USP15: variants seen among roughly 807,000 people sequenced by gnomAD.
USP15 encodes ubiquitin carboxyl-terminal hydrolase 15.
Under a neutral mutation model 127.1 loss-of-function variants are expected in USP15, and 18 were observed. The observed-to-expected ratio is 0.14, with a 90% CI of 0.10 to 0.21. The LOEUF (loss-of-function observed/expected upper bound fraction) is 0.21, where lower values mean the gene tolerates loss of function less well. Among genes scored for constraint, USP15 ranks in the 10% least tolerant of loss-of-function variants. The probability of loss-of-function intolerance (pLI) is 1.00; values close to 1 mark genes in which losing one functional copy is unlikely to be tolerated. For synonymous variants in USP15, 364 were observed against 393.7 expected (o/e 0.92, Z 0.89); for missense variants, 805 against 1,159.9 (o/e 0.69, Z 4.44).
chr12:62,290,816 T>G (rs1361676505), intron 1 of USP15, among the ~76,000 whole-genome samples: 2 of 152,212 alleles, frequency 1.3e-5, no homozygotes, highest in Non-Finnish European at 2.9e-5. Flanking sequence ...GATGACAGAT[T>G]CCCTCAATGA....
intron 6 of USP15, among the ~76,000 whole-genome samples, chr12:62,345,564 G>A (rs988285042): frequency 2.0e-5 from 3 of 152,002 alleles, no homozygotes; most frequent in Non-Finnish European, 2.9e-5. Flanking sequence ...CAACCTCTCT[G>A]CCTATTACCC....
chr12:62,288,368 G>A (rs375098240), intron 1 of USP15, among the ~76,000 whole-genome samples: 23 of 102,984 alleles, frequency 2.2e-4, no homozygotes, highest in African/African-American at 8.7e-4. Flanking sequence ...TTTTTTGGTA[G>A]CTTTGGTAAA....
At position 62,391,346 on chromosome 12, in the gene USP15, A is replaced by G. The variant is rs1330559282; in HGVS notation, c.2150A>G (p.Asn717Ser). ...AAACGATTGTTTACATTCCAGTTCA[A>G]CAACTTAGGCAATACTGATATCAAC... ...HKKRLFTFQFNNLGNTDINYI... is the reference protein window; with the variant it reads ...HKKRLFTFQFSNLGNTDINYI... The change falls in exon 16 of 22, where the codon AAC becomes AGC. Residue 717 changes from asparagine to serine, a missense_variant. By Grantham distance (46) the Asn-to-Ser change is conservative. Transcript: ENST00000280377. The G allele has an allele frequency of 1.9e-6, 3 of 1,613,472 alleles. No individual in the cohort carries two copies. Among genetic ancestry groups the G allele is most frequent in the South Asian group, 2.2e-5 (2 of 91,034 alleles).
At chr12:62,294,711 T>C (rs1025271957) in intron 2 of USP15, 4 of 157,718 alleles carry the variant, frequency 2.5e-5, no homozygotes, top group African/African-American at 9.6e-5. Context: ...AGTGGACACA[T>C]GACATTTTTT....
At chr12:62,341,414 AGTC>A (rs2137381922) in intron 6 of USP15, among the ~76,000 whole-genome samples, 1 of 152,312 alleles carries the variant, frequency 6.6e-6, no homozygotes, top group South Asian at 2.1e-4. Context: ...AATTTGATCC[AGTC>A]ATCATGATGC....
chr12:62,355,206 G>T, intron 7 of USP15, 125 bp from the exon 8 acceptor site: 1 of 864,992 alleles, frequency 1.2e-6, no homozygotes, highest in Non-Finnish European at 1.7e-6. Context: ...AAGTATCTGA[G>T]TTGAGTACTT....
intron 6 of USP15, among the ~76,000 whole-genome samples, chr12:62,339,917 A>G (rs553905258): frequency 9.9e-5 from 15 of 152,124 alleles, no homozygotes; most frequent in Non-Finnish European, 1.9e-4. Context: ...GTTAGAGAGG[A>G]GTCCCTCTTT....
In USP15 at chr12:62,410,680, T is replaced by G. The variant is rs191681429; in HGVS notation, c.*6305T>G. On this transcript the variant is annotated 3_prime_UTR_variant, in exon 22 of 22. Coordinates refer to ENST00000280377, the MANE Select transcript of USP15 (RefSeq NM_001252078.2). ...TCCAAACAGGTCATTAACCTCTGAA[T>G]TACTGTTTTCACAACCATAAAATTA... 1 of 152,294 alleles carries G rather than the reference T, an allele frequency of 6.6e-6. No homozygotes were observed. The highest frequency in any genetic ancestry group is 2.4e-5 in the African/African-American group (1 of 41,574). The allele number at this position is 152,294 out of a possible 1,614,324, so 9.4% of individuals were successfully genotyped here. A position where few individuals can be genotyped will look rare whatever the true frequency, so the allele number is the denominator to read the frequency against.
chr12:62,396,304 T>G lies in USP15; in HGVS notation c.2580T>G (p.Asp860Glu), dbSNP rs751260083. 19 of 1,579,298 alleles carry G rather than the reference T, an allele frequency of 1.2e-5. No homozygotes were observed. Among genetic ancestry groups the G allele is most frequent in the Non-Finnish European group, 1.6e-5 (19 of 1,167,008 alleles). The stretch of plus-strand genomic sequence containing the variant: ...TTTCTTTTTTAAACAGTGACTTGGA[T>G]ATGTCGGAATTCTTAATTAATCCAA... ...TLVDFPINDL[D>E]MSEFLINPNA... is the part of the protein sequence containing the mutation. Residue 860 changes from aspartate to glutamate, a missense_variant, in exon 20 of 22, where the codon GAT becomes GAG. Coordinates refer to ENST00000280377, the MANE Select transcript of USP15 (RefSeq NM_001252078.2).
chr12:62,302,669 G>C, intron 2 of USP15, 121 bp from the exon 3 acceptor site: 1 of 1,084,688 alleles, frequency 9.2e-7, no homozygotes, highest in Non-Finnish European at 1.3e-6. Context: ...TAAGGGAGCT[G>C]AATTGCTTTA....
At chr12:62,324,252 G>A (rs894061077) in intron 5 of USP15, among the ~76,000 whole-genome samples, 3 of 151,868 alleles carry the variant, frequency 2.0e-5, no homozygotes, top group Non-Finnish European at 4.4e-5. Flanking sequence ...ATGGTCTTCA[G>A]CATTAGTATT....
chr12:62,352,525 A>C (rs545762152), intron 7 of USP15, among the ~76,000 whole-genome samples: 12 of 152,054 alleles, frequency 7.9e-5, no homozygotes, highest in Non-Finnish European at 1.5e-4. Context: ...TTATTGTCTC[A>C]ATTTGACATT....
chr12:62,267,765 A>C (rs1294500858), intron 1 of USP15, among the ~76,000 whole-genome samples: 1 of 152,136 alleles, frequency 6.6e-6, no homozygotes, highest in Non-Finnish European at 1.5e-5. Context: ...GGGTATTCTA[A>C]GTTTAGAGCC....
intron 6 of USP15, among the ~76,000 whole-genome samples, chr12:62,326,796 T>C (rs2065141110): frequency 6.6e-6 from 1 of 152,190 alleles, no homozygotes; most frequent in South Asian, 2.1e-4. Context: ...TAGTACATTT[T>C]AACCAAGTGA....
rs530039857 is a variant in USP15, at chr12:62,353,446, G to C, written c.771-1885G>C. Among the ~76,000 whole-genome samples, 15 of 152,092 alleles carry C rather than the reference G, an allele frequency of 9.9e-5. No individual in the cohort carries two copies. The South Asian group carries it at 3.1e-3, about 32-fold the overall frequency. ...GAATATATACTTATGGAATGAGCAT[G>C]TAAATGTGCTTTTAGTCTTTTCACG... On this transcript the variant is annotated intron_variant, in intron 7 of 21. Transcript: ENST00000280377.
At chr12:62,364,031 T>G (rs2066399534) in intron 8 of USP15, among the ~76,000 whole-genome samples, 1 of 152,120 alleles carries the variant, frequency 6.6e-6, no homozygotes, top group Admixed American at 6.5e-5. Flanking sequence ...TTGGATATTC[T>G]AGTATGGAAT....
intron 8 of USP15, among the ~76,000 whole-genome samples, chr12:62,368,408 G>A (rs2066551853): frequency 6.6e-6 from 1 of 152,092 alleles, no homozygotes; most frequent in African/African-American, 2.4e-5. Flanking sequence ...TAACAGTGGG[G>A]TGTTAAAATC....
chr12:62,370,009 T>C (rs1019790851), intron 8 of USP15, among the ~76,000 whole-genome samples: 2 of 152,198 alleles, frequency 1.3e-5, no homozygotes, highest in Non-Finnish European at 2.9e-5. Context: ...GGAGTCTCGC[T>C]GTATCACCAG....
At chr12:62,285,857 T>C (rs1225032233) in intron 1 of USP15, among the ~76,000 whole-genome samples, 1 of 152,182 alleles carries the variant, frequency 6.6e-6, no homozygotes, top group Non-Finnish European at 1.5e-5. Context: ...TTGAGAAATC[T>C]CCATACTGTT....
Sources: gnomAD v4.1 joint callset for allele counts (sites outside exome capture counted in the v4.1 genomes callset) on GRCh38, gnomAD v4.1.1 for gene constraint, MANE v1.5 for transcripts, NCBI Gene and HGNC (gene_info 2026-07-23, HGNC 2026-07-21) for gene names.